The following RNLS variants were observed in gnomAD, a reference collection of about 807,000 sequenced individuals.
The protein encoded by RNLS is renalase, FAD dependent amine oxidase.
RNLS carries 39 observed loss-of-function variants against 39.8 expected under a neutral mutation model. That is an observed-to-expected ratio of 0.98 (90% CI 0.76 to 1.28). The LOEUF (loss-of-function observed/expected upper bound fraction) is 1.28, where lower values mean the gene tolerates loss of function less well. RNLS is among the 50% of genes most tolerant of loss of function. The probability of loss-of-function intolerance (pLI) is 0.00; values close to 1 mark genes in which losing one functional copy is unlikely to be tolerated. For synonymous variants in RNLS, 147 were observed against 150.7 expected (o/e 0.98, Z 0.18); for missense variants, 410 against 413.3 (o/e 0.99, Z 0.07).
intron 4 of RNLS, among the ~76,000 whole-genome samples, chr10:88,368,664 ATTTGATGAAATGTATG>A (rs1850306987): frequency 1.3e-5 from 2 of 152,130 alleles, no homozygotes; most frequent in Non-Finnish European, 2.9e-5. Flanking sequence ...CCTCTATAAT[ATTTGATGAAATGTATG>A]TTGCATAATT....
At chr10:88,432,001 T>A (rs1200272875) in intron 4 of RNLS, among the ~76,000 whole-genome samples, 2 of 151,808 alleles carry the variant, frequency 1.3e-5, no homozygotes, top group African/African-American at 4.8e-5. Flanking sequence ...TGTTATATCA[T>A]TGATGATTTT....
intron 4 of RNLS, among the ~76,000 whole-genome samples, chr10:88,447,276 C>T (rs1564806649): frequency 1.3e-5 from 2 of 152,160 alleles, no homozygotes; most frequent in African/African-American, 2.4e-5. Context: ...ATCGTCTTAC[C>T]ACAAAATCTC....
At chr10:88,233,742 C>T in the RNLS span, among the ~76,000 whole-genome samples, 1 of 152,060 alleles carries the variant, frequency 6.6e-6, no homozygotes, top group East Asian at 1.9e-4. Context: ...TCTTGCTGCC[C>T]AACCAGAATC....
chr10:88,421,092 G>T (rs548851720), intron 4 of RNLS, among the ~76,000 whole-genome samples: 56 of 152,356 alleles, frequency 3.7e-4, no homozygotes, highest in African/African-American at 1.3e-3. Context: ...ATGAGAGGCT[G>T]CAGGAACAAG....
At chr10:88,303,651 C>T (rs960376890) in intron 6 of RNLS, among the ~76,000 whole-genome samples, 5 of 152,248 alleles carry the variant, frequency 3.3e-5, no homozygotes, top group East Asian at 1.9e-4. Context: ...TTTTGCAGTC[C>T]GCCCACCCTC....
chr10:88,420,578 C>G (rs1854344690), intron 4 of RNLS, among the ~76,000 whole-genome samples: 1 of 152,198 alleles, frequency 6.6e-6, no homozygotes. Context: ...TCTTTTATCA[C>G]ATTGCCTTCT....
intron 4 of RNLS, among the ~76,000 whole-genome samples, chr10:88,405,326 T>G (rs775438037): frequency 6.6e-6 from 1 of 152,074 alleles, no homozygotes; most frequent in Non-Finnish European, 1.5e-5. Flanking sequence ...ATCATAATTA[T>G]CAACATCGTT....
the RNLS span, among the ~76,000 whole-genome samples, chr10:88,187,181 ATATATAATATATATAATAT>A: frequency 4.8e-4 from 4 of 8,316 alleles, no homozygotes; most frequent in Admixed American, 3.9e-3. Flanking sequence ...TATATATAAT[ATATATAATATATATAATAT>A]ATATATAATA....
At chr10:88,337,558 C>T (rs1847595198) in intron 5 of RNLS, among the ~76,000 whole-genome samples, 1 of 152,160 alleles carries the variant, frequency 6.6e-6, no homozygotes, top group Admixed American at 6.5e-5. Flanking sequence ...GTCTTGCTCT[C>T]TCTCTGTTTT....
At chr10:88,496,698 T>TA (rs1412174410) in intron 4 of RNLS, among the ~76,000 whole-genome samples, 2 of 152,112 alleles carry the variant, frequency 1.3e-5, no homozygotes, top group Admixed American at 6.6e-5. Flanking sequence ...CTTGATTTCA[T>TA]AGAGGAGAAG....
the RNLS span, among the ~76,000 whole-genome samples, chr10:88,217,826 G>A: frequency 6.6e-6 from 1 of 151,504 alleles, no homozygotes; most frequent in East Asian, 1.9e-4. Context: ...GATCACCTGA[G>A]GTCAGGAGTT....
rs137936768 is a variant in RNLS at position 88,524,616 on chromosome 10, C to T, written c.526+48287G>A. Among the ~76,000 whole-genome samples, 1,307 of 151,984 alleles carry T rather than the reference C, an allele frequency of 8.6e-3. 52 individuals are homozygous for T. The highest frequency in any genetic ancestry group is 0.069 in the Admixed American group (1,047 of 15,214). Reference sequence around the variant, plus strand: ...AAACAAAATTTAACATTCAGTTCTTCAGTTATACTAACCACATTTCAACAG... The same window carrying T: ...AAACAAAATTTAACATTCAGTTCTTTAGTTATACTAACCACATTTCAACAG... On this transcript the variant is annotated intron_variant, in intron 4 of 6. Transcript: ENST00000331772.
chr10:88,235,033 G>A, the RNLS span, among the ~76,000 whole-genome samples: 1,660 of 151,994 alleles, frequency 0.011, 34 homozygotes, highest in African/African-American at 0.038. Flanking sequence ...AGGCCGAGGC[G>A]GGTGGATCAC....
intron 4 of RNLS, among the ~76,000 whole-genome samples, chr10:88,481,762 A>G (rs1844184474): frequency 6.6e-6 from 1 of 152,160 alleles, no homozygotes; most frequent in African/African-American, 2.4e-5. Flanking sequence ...TTATTAACCT[A>G]CATATCTACC....
At chr10:88,573,947 C>T (rs374055483) in intron 3 of RNLS, among the ~76,000 whole-genome samples, 3 of 152,116 alleles carry the variant, frequency 2.0e-5, no homozygotes, top group South Asian at 2.1e-4. Context: ...TTGAGACCAG[C>T]CTGGCCAACA....
At chr10:88,203,311 T>TATAC in the RNLS span, among the ~76,000 whole-genome samples, 244 of 6,506 alleles carry the variant, frequency 0.038, 79 homozygotes, top group South Asian at 0.071. Context: ...TATATATATA[T>TATAC]ACGTATGTAT....
At chr10:88,546,186 T>C (rs1354131124) in intron 4 of RNLS, among the ~76,000 whole-genome samples, 1 of 152,080 alleles carries the variant, frequency 6.6e-6, no homozygotes, top group Non-Finnish European at 1.5e-5. Context: ...TTTAAAACTA[T>C]ATAATTCTTT....
intron 4 of RNLS, among the ~76,000 whole-genome samples, chr10:88,433,646 T>C (rs1175528488): frequency 2.6e-5 from 4 of 152,076 alleles, no homozygotes; most frequent in Non-Finnish European, 5.9e-5. Flanking sequence ...AGAAGTTAGG[T>C]AGTAGGAATG....
At chr10:88,480,246 C>T (rs1302103950) in intron 4 of RNLS, among the ~76,000 whole-genome samples, 1 of 152,198 alleles carries the variant, frequency 6.6e-6, no homozygotes, top group Non-Finnish European at 1.5e-5. Flanking sequence ...CAATTAAGTA[C>T]AAGTTCTTAG....
Sources: gnomAD v4.1 joint callset for allele counts (sites outside exome capture counted in the v4.1 genomes callset) on GRCh38, gnomAD v4.1.1 for gene constraint, MANE v1.5 for transcripts, NCBI Gene and HGNC (gene_info 2026-07-23, HGNC 2026-07-21) for gene names.